AFF1: variants seen among roughly 807,000 people sequenced by gnomAD.
AFF1 encodes the protein AF4/FMR2 family member 1.
A neutral mutation model predicts 121.7 loss-of-function variants in AFF1; 48 were observed. That is an observed-to-expected ratio of 0.39 (90% CI 0.31 to 0.50). AFF1 has a LOEUF of 0.50. Ranked by LOEUF, AFF1 falls within the 20% of genes least tolerant of loss-of-function variation. The pLI, the probability that AFF1 is intolerant of heterozygous loss-of-function variation, is 0.76. For synonymous variants in AFF1, 613 were observed against 563.0 expected (o/e 1.09, Z -1.26); for missense variants, 1,523 against 1,511.7 (o/e 1.01, Z -0.12).
At chr4:87,013,911 T>C (rs1727053956) in intron 2 of AFF1, among the ~76,000 whole-genome samples, 2 of 152,200 alleles carry the variant, frequency 1.3e-5, no homozygotes, top group Admixed American at 6.5e-5. Flanking sequence ...GCAGGTACCA[T>C]GCTTTGTGAG....
At chr4:87,045,732 G>A (rs1440711079) in intron 2 of AFF1, among the ~76,000 whole-genome samples, 1 of 152,140 alleles carries the variant, frequency 6.6e-6, no homozygotes, top group Non-Finnish European at 1.5e-5. Context: ...CTTTCAAAAT[G>A]TACGCTACTG....
At chr4:86,973,543 T>TGG (rs1723087200) in intron 2 of AFF1, among the ~76,000 whole-genome samples, 1 of 152,168 alleles carries the variant, frequency 6.6e-6, no homozygotes, top group Non-Finnish European at 1.5e-5. Context: ...TTTTAATGTA[T>TGG]TGAATTTGGA....
At chr4:87,002,994 T>C (rs185608513) in intron 2 of AFF1, among the ~76,000 whole-genome samples, 1 of 152,332 alleles carries the variant, frequency 6.6e-6, no homozygotes, top group African/African-American at 2.4e-5. Context: ...TACAATGGTG[T>C]TTTCAAAACA....
At chr4:87,112,492 G>A (rs1726637014) in intron 11 of AFF1, among the ~76,000 whole-genome samples, 1 of 152,178 alleles carries the variant, frequency 6.6e-6, no homozygotes, top group South Asian at 2.1e-4. Context: ...TTCTTGCCTG[G>A]TTTTTTAAGT....
At chr4:87,089,399 A>G (rs1034906942) in intron 5 of AFF1, among the ~76,000 whole-genome samples, 1 of 152,222 alleles carries the variant, frequency 6.6e-6, no homozygotes, top group Non-Finnish European at 1.5e-5. Context: ...TAAGCTTCTC[A>G]ATGGAAAAGA....
rs574904174 is a variant in AFF1, at chr4:86,961,774, G to A, written c.38+13203G>A. 5.9e-5 allele frequency among the ~76,000 whole-genome samples: 9 copies of A among 152,112 alleles called. No homozygotes were observed. The South Asian group carries it at 1.5e-3, about 25-fold the overall frequency. ...TGGTGAGATGATGTGTGCTCTCTCAGAGCACTTTGTGGTCTGTTACAGCAT... is the reference window on the plus strand; with the variant it reads ...TGGTGAGATGATGTGTGCTCTCTCAAAGCACTTTGTGGTCTGTTACAGCAT... On this transcript the variant is annotated intron_variant, in intron 2 of 20. Transcript: ENST00000395146.
At chr4:87,118,512 C>G (rs1727348813) in intron 12 of AFF1, among the ~76,000 whole-genome samples, 1 of 152,128 alleles carries the variant, frequency 6.6e-6, no homozygotes, top group Non-Finnish European at 1.5e-5. Flanking sequence ...AGAGACTATT[C>G]TGTTAATTAC....
At position 86,989,896 on chromosome 4, in the gene AFF1, A is replaced by G. The variant is rs1724564842; in HGVS notation, c.38+41325A>G. ...TTGCAGGGAAATGGATGAAGCTGGA[A>G]ACTATCATTCTCAGCAAACTATCAC... On this transcript the variant is annotated intron_variant, in intron 2 of 20. Coordinates refer to ENST00000395146, the MANE Select transcript of AFF1 (RefSeq NM_001166693.3). 1.3e-5 allele frequency among the ~76,000 whole-genome samples: 2 copies of G among 152,166 alleles called. 1 individual carries two copies. Among genetic ancestry groups the G allele is most frequent in the Admixed American group, 1.3e-4 (2 of 15,270 alleles).
At chr4:87,029,669 G>A (rs1230397737) in intron 2 of AFF1, among the ~76,000 whole-genome samples, 1 of 152,066 alleles carries the variant, frequency 6.6e-6, no homozygotes. Flanking sequence ...GCTGTGTCCC[G>A]TATATCCTGT....
At chr4:87,113,594 G>T (rs188885059) in intron 11 of AFF1, among the ~76,000 whole-genome samples, 7 of 152,138 alleles carry the variant, frequency 4.6e-5, no homozygotes, top group African/African-American at 1.4e-4. Flanking sequence ...AAGAGTTCAC[G>T]TGGGATTAAT....
intron 2 of AFF1, among the ~76,000 whole-genome samples, chr4:86,969,047 C>T (rs1403266149): frequency 1.3e-5 from 2 of 152,206 alleles, no homozygotes; most frequent in Non-Finnish European, 1.5e-5. Context: ...TTAGGTCTCA[C>T]GTGGTAGCCT....
intron 2 of AFF1, among the ~76,000 whole-genome samples, chr4:86,964,582 G>A (rs913563531): frequency 2.6e-5 from 4 of 151,902 alleles, no homozygotes; most frequent in African/African-American, 9.7e-5. Context: ...TTACAGGCAT[G>A]TGCCACTATG....
At chr4:86,987,272 A>G (rs1195175655) in intron 2 of AFF1, among the ~76,000 whole-genome samples, 1 of 152,182 alleles carries the variant, frequency 6.6e-6, no homozygotes, top group Non-Finnish European at 1.5e-5. Flanking sequence ...TATAATGTAT[A>G]AGCAATAATG....
At chr4:87,043,463 T>C (rs1730361879) in intron 2 of AFF1, among the ~76,000 whole-genome samples, 1 of 152,232 alleles carries the variant, frequency 6.6e-6, no homozygotes, top group African/African-American at 2.4e-5. Flanking sequence ...AGTGATTTCC[T>C]AATCAGCCTG....
At chr4:87,115,455 C>T (rs1370011777) in intron 12 of AFF1, among the ~76,000 whole-genome samples, 156 bp downstream of exon 12, 3 of 152,082 alleles carry the variant, frequency 2.0e-5, no homozygotes, top group African/African-American at 7.2e-5. Flanking sequence ...CCAGCATTAC[C>T]TGTCTGGACT....
At chr4:87,019,992 A>G (rs1646307071) in intron 2 of AFF1, among the ~76,000 whole-genome samples, 1 of 111,010 alleles carries the variant, frequency 9.0e-6, no homozygotes, top group South Asian at 3.3e-4. Flanking sequence ...GTTTGATCAC[A>G]GAAGTCTTCT....
rs1232338692 is a variant in AFF1 at position 87,065,323 on chromosome 4, CA to C, written c.1059+17730del. Among the ~76,000 whole-genome samples, 3 of 152,072 alleles carry C rather than the reference CA, an allele frequency of 2.0e-5. No homozygotes were observed. The East Asian group carries it at 5.8e-4, about 29-fold the overall frequency. ...ATGAGACTCACTGTTACAAGAACAG[CA>C]CGGGAAAGACCTGCCCCCATGATCG... On this transcript the variant is annotated intron_variant, in intron 4 of 20. Transcript: ENST00000395146.
chr4:87,043,144 G>A (rs1157653881), intron 2 of AFF1, among the ~76,000 whole-genome samples: 1 of 152,164 alleles, frequency 6.6e-6, no homozygotes, highest in Non-Finnish European at 1.5e-5. Context: ...TAGAAGGGGC[G>A]GAGCTCTGCC....
intron 12 of AFF1, among the ~76,000 whole-genome samples, chr4:87,116,705 G>A (rs1727159489): frequency 1.3e-5 from 2 of 152,304 alleles, no homozygotes; most frequent in East Asian, 1.9e-4. Flanking sequence ...GTGTATTGCC[G>A]CCATGTTTGC....
Sources: allele counts gnomAD v4.1 joint callset (sites outside exome capture counted in the v4.1 genomes callset), GRCh38; gene constraint gnomAD v4.1.1; transcripts MANE v1.5; gene names NCBI Gene and HGNC (gene_info 2026-07-23, HGNC 2026-07-21).